Variants in KDM4A observed in about 807,000 individuals in gnomAD.
KDM4A encodes the protein lysine demethylase 4A, also known as lysine-specific demethylase 4A.
In KDM4A, 23 loss-of-function variants were observed where a neutral mutation model predicts 127.1. That is an observed-to-expected ratio of 0.18 (90% CI 0.13 to 0.26). The LOEUF (loss-of-function observed/expected upper bound fraction) is 0.26, where lower values mean the gene tolerates loss of function less well. Among genes scored for constraint, KDM4A ranks in the 10% least tolerant of loss-of-function variants. The pLI, the probability that KDM4A is intolerant of heterozygous loss-of-function variation, is 1.00. For missense variants in KDM4A, 890 were observed against 1,329.1 expected (o/e 0.67, Z 5.14); for synonymous variants, 443 against 466.5 (o/e 0.95, Z 0.65).
rs1248125156 is a variant in KDM4A at position 43,660,338 on chromosome 1, C to G, written c.355C>G (p.Arg119Gly). ...PRYSEFEELE[R>G]KYWKNLTFNP... is the part of the protein sequence containing the mutation. Reference sequence around the variant, plus strand: ...CTATAGTGAGTTTGAAGAGCTCGAGCGGAAATACTGGAAAAATCTTACATT... The same window carrying G: ...CTATAGTGAGTTTGAAGAGCTCGAGGGGAAATACTGGAAAAATCTTACATT... Residue 119 changes from arginine (R) to glycine (G), a missense_variant, in exon 4 of 22, where the codon CGG becomes GGG. Transcript: ENST00000372396. The G allele has an allele frequency of 2.0e-5, 33 of 1,613,896 alleles. No homozygotes were observed. Among genetic ancestry groups the G allele is most frequent in the Non-Finnish European group, 2.7e-5 (32 of 1,179,978 alleles).
intron 19 of KDM4A, 132 bp downstream of exon 19, chr1:43,698,145 A>ATG: frequency 1.2e-6 from 1 of 821,314 alleles, no homozygotes; most frequent in Non-Finnish European, 1.9e-6. Context: ...CCTCAAACAG[A>ATG]AAGAATCATC....
intron 12 of KDM4A, among the ~76,000 whole-genome samples, chr1:43,684,149 T>A (rs1159929909): frequency 6.6e-6 from 1 of 152,178 alleles, no homozygotes; most frequent in Admixed American, 6.5e-5. Context: ...AACTAAGATA[T>A]GTCCGTGCCC....
Position 43,693,684 on chromosome 1 carries a change from C to T in KDM4A, c.2376-310C>T, listed in dbSNP as rs1299735897. On this transcript the variant is annotated intron_variant, in intron 16 of 21. Coordinates refer to ENST00000372396, the MANE Select transcript of KDM4A (RefSeq NM_014663.3). The surrounding 1 kb of genome is among the most constrained non-coding windows in gnomAD (Gnocchi z 4.2). ...CATAGAGCTTTCCAGTTTATTCTCA[C>T]TCCCTGAGACCTGCCACACACCATT... Among the ~76,000 whole-genome samples the T allele has an allele frequency of 2.6e-5, 4 of 152,244 alleles. No individual in the cohort carries two copies. The highest frequency in any genetic ancestry group is 2.6e-4 in the Admixed American group (4 of 15,286).
In KDM4A at chr1:43,665,678, G is replaced by A. The variant is rs1221444281; in HGVS notation, c.624-18G>A. The A allele has an allele frequency of 1.2e-5, 20 of 1,613,562 alleles. No individual in the cohort carries two copies. Among genetic ancestry groups the A allele is most frequent in the Non-Finnish European group, 1.5e-5 (18 of 1,179,722 alleles). Reference sequence around the variant, plus strand: ...ACCTGCCCTCCACCCAGCCTCTGATGCTCTCATGTGATTGCAGGTACTCTG... The same window carrying A: ...ACCTGCCCTCCACCCAGCCTCTGATACTCTCATGTGATTGCAGGTACTCTG... On this transcript the variant is annotated intron_variant, in intron 5 of 21. Coordinates refer to ENST00000372396, the MANE Select transcript of KDM4A (RefSeq NM_014663.3).
intron 2 of KDM4A, among the ~76,000 whole-genome samples, chr1:43,654,459 C>CT (rs113258820): frequency 4.0e-4 from 58 of 146,320 alleles, no homozygotes; most frequent in Middle Eastern, 3.6e-3. Context: ...ATTCTTTTTT[C>CT]TTTTTTTTTT....
Position 43,683,007 on chromosome 1 carries a change from A to G in KDM4A, c.1735-677A>G, listed in dbSNP as rs369182263. On this transcript the variant is annotated intron_variant, in intron 11 of 21. Coordinates refer to ENST00000372396, the MANE Select transcript of KDM4A (RefSeq NM_014663.3). ...ATCCTGTACATTTAAATCTAATTAC[A>G]TTTGCTCTGACATTATGTAAATGCA... is the stretch of plus-strand genomic sequence containing the variant. Among the ~76,000 whole-genome samples the G allele has an allele frequency of 2.0e-4, 31 of 152,292 alleles. No individual in the cohort carries two copies. In the East Asian group the frequency reaches 2.7e-3, roughly 13 times the overall value.
chr1:43,663,335 G>T (rs777240252), intron 5 of KDM4A, among the ~76,000 whole-genome samples: 24 of 152,126 alleles, frequency 1.6e-4, no homozygotes, highest in Non-Finnish European at 2.1e-4. Context: ...AAGACACGGG[G>T]GCTCTTCCAG....
intron 9 of KDM4A, among the ~76,000 whole-genome samples, chr1:43,668,317 G>A (rs550864515): frequency 6.6e-6 from 1 of 152,080 alleles, no homozygotes; most frequent in East Asian, 1.9e-4. Context: ...AGTAGAGACA[G>A]GGTTTCACTG....
chr1:43,676,211 GC>G (rs2154047663), intron 11 of KDM4A, among the ~76,000 whole-genome samples: 1 of 152,262 alleles, frequency 6.6e-6, no homozygotes, highest in South Asian at 2.1e-4. Flanking sequence ...AATTGCTTGA[GC>G]CTGAGAGGTT....
chr1:43,669,130 G>A lies in KDM4A; in HGVS notation c.1194G>A (p.Arg398=), dbSNP rs757885143. 4.3e-6 allele frequency: 7 copies of A among 1,614,192 alleles called. No individual in the cohort carries two copies. The highest frequency in any genetic ancestry group is 5.9e-6 in the Non-Finnish European group (7 of 1,180,030). Residue 398 remains arginine (R), a synonymous_variant, in exon 10 of 22, where the codon AGG becomes AGA. Transcript: ENST00000372396. ...SLAKHRIGTK[R]HRVCLEIPQE... is the part of the protein sequence containing the mutation. Reference sequence around the variant, plus strand: ...CCAAGCACCGAATAGGGACAAAGAGGCACCGAGTTTGTCTTGAAATACCAC... The same window carrying A: ...CCAAGCACCGAATAGGGACAAAGAGACACCGAGTTTGTCTTGAAATACCAC...
In KDM4A at chr1:43,654,921, G is replaced by C. The variant is rs539390262; in HGVS notation, c.139-670G>C. Among the ~76,000 whole-genome samples the C allele has an allele frequency of 1.4e-3, 207 of 151,364 alleles. 1 individual carries two copies. Among genetic ancestry groups the C allele is most frequent in the African/African-American group, 4.8e-3 (196 of 41,142 alleles). ...AGCTGGAGTGCAATGGCGCAATCTTGGCTCACTGCAACCTCTGCCTCCGGG... is the reference window on the plus strand; with the variant it reads ...AGCTGGAGTGCAATGGCGCAATCTTCGCTCACTGCAACCTCTGCCTCCGGG... On this transcript the variant is annotated intron_variant, in intron 2 of 21. Transcript: ENST00000372396.
chr1:43,691,161 T>C lies in KDM4A; in HGVS notation c.2242+112T>C, dbSNP rs946487324. 1.8e-5 allele frequency: 20 copies of C among 1,091,612 alleles called. No homozygotes were observed. The African/African-American group carries it at 2.6e-4, about 14-fold the overall frequency. The allele number at this position is 1,091,612 out of a possible 1,614,324, so 67.6% of individuals were successfully genotyped here. On this transcript the variant is annotated intron_variant, in intron 14 of 21. Transcript: ENST00000372396. ...CCCCAAAAAGATTGTTGATGTTTTA[T>C]TGGGGAGTCTGTTGCTAGCTGATTT...
intron 12 of KDM4A, among the ~76,000 whole-genome samples, chr1:43,687,524 C>G (rs953357451): frequency 6.6e-6 from 1 of 152,220 alleles, no homozygotes; most frequent in South Asian, 2.1e-4. Context: ...GGGCCGCATA[C>G]TTGGGCCTTG....
At position 43,693,914 on chromosome 1, in the gene KDM4A, G is replaced by A. The variant is rs1281625901; in HGVS notation, c.2376-80G>A. On this transcript the variant is annotated intron_variant, in intron 16 of 21. Coordinates refer to ENST00000372396, the MANE Select transcript of KDM4A (RefSeq NM_014663.3). The surrounding 1 kb of genome is among the most constrained non-coding windows in gnomAD (Gnocchi z 4.2). Reference sequence around the variant, plus strand: ...AGTGGTCACCCAGGTGAGGGAGGAAGCGCTGTCAGCAGGCCCAAAAGAGAA... The same window carrying A: ...AGTGGTCACCCAGGTGAGGGAGGAAACGCTGTCAGCAGGCCCAAAAGAGAA... 5.4e-6 allele frequency: 6 copies of A among 1,119,712 alleles called. No individual in the cohort carries two copies. The highest frequency in any genetic ancestry group is 6.7e-6 in the Non-Finnish European group (5 of 746,712). The allele number at this position is 1,119,712 out of a possible 1,614,324, so 69.4% of individuals were successfully genotyped here.
At chr1:43,678,643 A>G (rs1415684989) in intron 11 of KDM4A, among the ~76,000 whole-genome samples, 2 of 148,314 alleles carry the variant, frequency 1.3e-5, no homozygotes, top group Non-Finnish European at 3.0e-5. Flanking sequence ...GCTGGAGTGC[A>G]GTGGTGCGAT....
At chr1:43,656,875 G>T (rs1002047465) in intron 3 of KDM4A, among the ~76,000 whole-genome samples, 1 of 151,244 alleles carries the variant, frequency 6.6e-6, no homozygotes, top group Admixed American at 6.6e-5. Flanking sequence ...ACATACAGGC[G>T]CCTGCCACCA....
At position 43,690,853 on chromosome 1, in the gene KDM4A, T is replaced by A. The variant is rs1425020654; in HGVS notation, c.2046T>A (p.Phe682Leu). Residue 682 changes from phenylalanine (F) to leucine (L), a missense_variant, in exon 14 of 22, where the codon TTT becomes TTA. Physicochemically the swap from Phe to Leu is conservative, Grantham distance 22. Transcript: ENST00000372396. Reference sequence around the variant, plus strand: ...TTGTTCTTTCCCCTTAGGTTGAATTTGGAGGCTTTAATCAGAACTGTGGAA... The same window carrying A: ...TTGTTCTTTCCCCTTAGGTTGAATTAGGAGGCTTTAATCAGAACTGTGGAA... ...MIFQTYHQVE[F>L]GGFNQNCGNA... is the part of the protein sequence containing the mutation. 2 of 1,614,102 alleles carry A rather than the reference T, an allele frequency of 1.2e-6. No individual in the cohort carries two copies. The highest frequency in any genetic ancestry group is 4.5e-5 in the East Asian group (2 of 44,896).
chr1:43,673,117 G>A (rs1244809589), intron 11 of KDM4A, among the ~76,000 whole-genome samples: 1 of 151,982 alleles, frequency 6.6e-6, no homozygotes, highest in Non-Finnish European at 1.5e-5. Context: ...ATGGCTCTTG[G>A]TGGGTCTGCC....
At chr1:43,666,846 T>G in intron 7 of KDM4A, 108 bp from the exon 8 acceptor site, 1 of 1,135,050 alleles carries the variant, frequency 8.8e-7, no homozygotes, top group Non-Finnish European at 1.3e-6. Flanking sequence ...CCCCAGGGGT[T>G]TTATGACTTA....
Sources: allele counts gnomAD v4.1 joint callset (sites outside exome capture counted in the v4.1 genomes callset), GRCh38; gene constraint gnomAD v4.1.1; non-coding constraint Gnocchi (gnomAD v3.1); transcripts MANE v1.5; gene names NCBI Gene and HGNC (gene_info 2026-07-23, HGNC 2026-07-21).